Variants in HECTD4 observed in about 807,000 individuals in gnomAD.
HECTD4 encodes probable E3 ubiquitin-protein ligase HECTD4.
HECTD4 carries 114 observed loss-of-function variants against 471.5 expected under a neutral mutation model. That is an observed-to-expected ratio of 0.24 (90% CI 0.21 to 0.28). The LOEUF (loss-of-function observed/expected upper bound fraction) is 0.28, where lower values mean the gene tolerates loss of function less well. HECTD4 is among the 10% of genes least tolerant of loss of function. The probability of loss-of-function intolerance (pLI) is 1.00; values close to 1 mark genes in which losing one functional copy is unlikely to be tolerated. For missense variants in HECTD4, 3,866 were observed against 5,651.5 expected (o/e 0.68, Z 10.13); for synonymous variants, 2,012 against 2,256.0 (o/e 0.89, Z 3.07).
rs1051424005 is a variant in HECTD4 at position 112,163,847 on chromosome 12, G to A, written c.12702-110C>T. On this transcript the variant is annotated intron_variant, in intron 73 of 75. Transcript: ENST00000682272. This position sits in a 1 kb window ranked among gnomAD's most constrained non-coding sequence, Gnocchi z 8.2. ...GGATCCTCTCTTGGGAGAGGCCTGG[G>A]GCCCAGCCGCCCTGGTCATCCCAGT... The A allele has an allele frequency of 1.3e-5, 14 of 1,065,794 alleles. No individual in the cohort carries two copies. The highest frequency in any genetic ancestry group is 1.6e-5 in the African/African-American group (1 of 61,434). 66.0% of individuals were successfully genotyped at this position (1,065,794 alleles called of 1,614,324 possible). A position where few individuals can be genotyped will look rare whatever the true frequency, so the allele number is the denominator to read the frequency against.
chr12:112,285,869 C>T, intron 7 of HECTD4, among the ~76,000 whole-genome samples: 1 of 152,072 alleles, frequency 6.6e-6, no homozygotes, highest in African/African-American at 2.4e-5. Flanking sequence ...TACCCCAACT[C>T]TCCTACTAGA....
At position 112,270,218 on chromosome 12, in the gene HECTD4, T is replaced by C. The variant is rs2034383668; in HGVS notation, c.2175+9A>G. On this transcript the variant is annotated intron_variant, in intron 12 of 75. Coordinates refer to ENST00000682272, the MANE Select transcript of HECTD4 (RefSeq NM_001388303.1). ...TATCATCTTATTTATTTCAAAACAG[T>C]GTATTTACCTGAAAGACAACGAGAA... is the stretch of plus-strand genomic sequence containing the variant. 1 of 1,601,688 alleles carries C rather than the reference T, an allele frequency of 6.2e-7. No individual in the cohort carries two copies. The highest frequency in any genetic ancestry group is 8.6e-7 in the Non-Finnish European group (1 of 1,168,892).
chr12:112,274,448 G>A (rs1201686373), intron 10 of HECTD4, among the ~76,000 whole-genome samples: 1 of 152,206 alleles, frequency 6.6e-6, no homozygotes, highest in Non-Finnish European at 1.5e-5. Flanking sequence ...GCTCATGCCT[G>A]TAATCCCAGC....
rs1566083617 is a variant in HECTD4, at chr12:112,239,213, CG to C, written c.5128del (p.Arg1710AlafsTer14). The C allele has an allele frequency of 6.2e-7, 1 of 1,612,100 alleles. No individual in the cohort carries two copies. The highest frequency in any genetic ancestry group is 8.5e-7 in the Non-Finnish European group (1 of 1,179,092). ...YTRSEEKCLVRSGLVQLMDRL... is the reference protein window; with the variant it reads ...YTRSEEKCLVXSGLVQLMDRL... ...ATCCATGAGCTGCACAAGGCCACTG[CG>C]TACCAGGCACTTCTCTTCGCTCCTG... is the stretch of plus-strand genomic sequence containing the variant. On this transcript the variant is annotated frameshift_variant, in exon 34 of 76. Transcript: ENST00000682272. LOFTEE classifies it high-confidence loss of function. The surrounding 1 kb of genome is among the most constrained non-coding windows in gnomAD (Gnocchi z 4.9).
chr12:112,269,493 G>A (rs2135619007), intron 13 of HECTD4, among the ~76,000 whole-genome samples: 1 of 152,302 alleles, frequency 6.6e-6, no homozygotes, highest in Non-Finnish European at 1.5e-5. Flanking sequence ...GATCCAAACA[G>A]TGAGATAAGG....
chr12:112,359,254 A>G (rs923449059), intron 1 of HECTD4, among the ~76,000 whole-genome samples: 1 of 151,122 alleles, frequency 6.6e-6, no homozygotes, highest in Non-Finnish European at 1.5e-5. Flanking sequence ...CCTGGGACCT[A>G]GTTAGAAATG....
chr12:112,371,377 A>T (rs545932536), intron 1 of HECTD4, among the ~76,000 whole-genome samples: 2 of 152,198 alleles, frequency 1.3e-5, no homozygotes, highest in Middle Eastern at 6.8e-3. Context: ...GGAGTTCAAG[A>T]GCAGCCTGAC....
At chr12:112,254,278 C>T (rs2033959276) in intron 21 of HECTD4, 116 bp from the exon 22 acceptor site, 2 of 1,270,596 alleles carry the variant, frequency 1.6e-6, no homozygotes, top group African/African-American at 3.0e-5. Context: ...GCATTGGTGT[C>T]ATTATAGTAT....
intron 7 of HECTD4, among the ~76,000 whole-genome samples, chr12:112,297,388 G>C (rs2035063145): frequency 6.6e-6 from 1 of 151,660 alleles, no homozygotes; most frequent in South Asian, 2.1e-4. Context: ...AGGTGCAGAA[G>C]GTATAGGTGC....
At chr12:112,337,807 A>G (rs1318941312) in intron 1 of HECTD4, among the ~76,000 whole-genome samples, 2 of 152,190 alleles carry the variant, frequency 1.3e-5, no homozygotes, top group Non-Finnish European at 1.5e-5. Flanking sequence ...TAAAATTTGC[A>G]CTAGTTTTAC....
chr12:112,291,542 C>T (rs1407795709), intron 7 of HECTD4, among the ~76,000 whole-genome samples: 1 of 151,732 alleles, frequency 6.6e-6, no homozygotes, highest in African/African-American at 2.4e-5. Context: ...TCAAGGCCAA[C>T]CTGGGCAACA....
At chr12:112,253,983 C>G in intron 22 of HECTD4, 60 bp downstream of exon 22, 1 of 1,582,038 alleles carries the variant, frequency 6.3e-7, no homozygotes, top group Non-Finnish European at 8.7e-7. Context: ...AGTACTTGGA[C>G]CTGTGAGGAC....
chr12:112,304,942 G>GT (rs1444988179), intron 7 of HECTD4, among the ~76,000 whole-genome samples: 8 of 152,062 alleles, frequency 5.3e-5, no homozygotes, highest in Admixed American at 1.3e-4. Flanking sequence ...TTTTGTTTTT[G>GT]TTTTTTTACA....
In HECTD4 at chr12:112,240,034, A is replaced by G. The variant is rs754459746; in HGVS notation, c.4959-7T>C. 2 of 1,613,334 alleles carry G rather than the reference A, an allele frequency of 1.2e-6. No homozygotes were observed. The highest frequency in any genetic ancestry group is 1.7e-6 in the Non-Finnish European group (2 of 1,179,472). ...ACATGTGAGTTCTTCAATTCTGTGA[A>G]AGAGAAACCAAAGCTCAGGCTTCCT... On this transcript the variant is annotated splice_region_variant and splice_polypyrimidine_tract_variant and intron_variant, in intron 32 of 75. Coordinates refer to ENST00000682272, the MANE Select transcript of HECTD4 (RefSeq NM_001388303.1).
intron 1 of HECTD4, among the ~76,000 whole-genome samples, chr12:112,346,145 C>A (rs1257657736): frequency 2.0e-5 from 3 of 152,172 alleles, no homozygotes; most frequent in African/African-American, 4.8e-5. Context: ...GAAGGTTAAC[C>A]CATTGGCCAA....
intron 1 of HECTD4, among the ~76,000 whole-genome samples, chr12:112,334,637 CAAAAA>C (rs869292531): frequency 6.6e-5 from 3 of 45,264 alleles, no homozygotes; most frequent in Non-Finnish European, 8.9e-5. Flanking sequence ...ACTAAAAATA[CAAAAA>C]AAAAAAAAAA....
chr12:112,282,828 G>A (rs2034673433), intron 8 of HECTD4, among the ~76,000 whole-genome samples: 3 of 152,144 alleles, frequency 2.0e-5, no homozygotes, highest in South Asian at 2.1e-4. Flanking sequence ...CAAAGCATAC[G>A]CAAAATATGA....
At chr12:112,278,110 G>T (rs2034564229) in intron 9 of HECTD4, among the ~76,000 whole-genome samples, 1 of 152,052 alleles carries the variant, frequency 6.6e-6, no homozygotes, top group South Asian at 2.1e-4. Flanking sequence ...AGTCATAAAA[G>T]GCCATATGTT....
At chr12:112,208,386 A>G in intron 51 of HECTD4, 108 bp downstream of exon 51, 1 of 1,161,610 alleles carries the variant, frequency 8.6e-7, no homozygotes. Context: ...AGAGTAACAA[A>G]ACCAGCTTTG....
Sources: gnomAD v4.1 joint callset for allele counts (sites outside exome capture counted in the v4.1 genomes callset) on GRCh38, gnomAD v4.1.1 for gene constraint, Gnocchi (gnomAD v3.1) non-coding constraint, MANE v1.5 for transcripts, NCBI Gene and HGNC (gene_info 2026-07-23, HGNC 2026-07-21) for gene names.